The following DGKG variants were observed in gnomAD, a reference collection of about 807,000 sequenced individuals.
DGKG encodes diacylglycerol kinase gamma, also known as DAG kinase gamma.
In DGKG, 78 loss-of-function variants were observed where a neutral mutation model predicts 105.3. That is an observed-to-expected ratio of 0.74 (90% CI 0.62 to 0.89). The LOEUF is 0.89. Ranked by LOEUF, DGKG falls within the 40% of genes least tolerant of loss-of-function variation. The probability of loss-of-function intolerance (pLI) is 0.00; values close to 1 mark genes in which losing one functional copy is unlikely to be tolerated. For missense variants in DGKG, 958 were observed against 1,020.1 expected (o/e 0.94, Z 0.83); for synonymous variants, 346 against 367.1 (o/e 0.94, Z 0.66).
chr3:186,164,783 G>C (rs753341914), intron 23 of DGKG, 115 bp downstream of exon 23: 1 of 1,241,820 alleles, frequency 8.1e-7, no homozygotes, highest in African/African-American at 1.5e-5. Context: ...ACATTATCAA[G>C]CTTTTGTGCT....
chr3:186,261,810 T>C, intron 14 of DGKG, 32 bp from the exon 15 acceptor site: 1 of 1,431,510 alleles, frequency 7.0e-7, no homozygotes, highest in Non-Finnish European at 9.6e-7. Context: ...AAATTAGCTC[T>C]GCTTCATCCA....
chr3:186,161,697 C>T (rs747943570), intron 23 of DGKG, 34 bp from the exon 24 acceptor site: 1 of 1,613,904 alleles, frequency 6.2e-7, no homozygotes, highest in Non-Finnish European at 8.5e-7. Flanking sequence ...ACACAGTGAG[C>T]TTTTTCAAGT....
In DGKG at chr3:186,210,766, G is replaced by A. The variant is rs975896114; in HGVS notation, c.1917+1029C>T. Reference sequence around the variant, plus strand: ...AGGCCAAGCTGGTGGGCCAAGAGGAGCCCACCCTGGCTGAACTCTCTGGCT... The same window carrying A: ...AGGCCAAGCTGGTGGGCCAAGAGGAACCCACCCTGGCTGAACTCTCTGGCT... On this transcript the variant is annotated intron_variant, in intron 21 of 24. Coordinates refer to ENST00000265022, the MANE Select transcript of DGKG (RefSeq NM_001346.3). This position sits in a 1 kb window ranked among gnomAD's most constrained non-coding sequence, Gnocchi z 5.2. 9.0e-6 allele frequency: 3 copies of A among 334,528 alleles called. No individual in the cohort carries two copies. Among genetic ancestry groups the A allele is most frequent in the African/African-American group, 6.8e-5 (3 of 44,194 alleles). 20.7% of individuals were successfully genotyped at this position (334,528 alleles called of 1,614,324 possible).
chr3:186,277,052 C>T, intron 9 of DGKG, among the ~76,000 whole-genome samples: 1 of 152,196 alleles, frequency 6.6e-6, no homozygotes, highest in Non-Finnish European at 1.5e-5. Context: ...TCTTCCAGGA[C>T]ATGAGTTTTA....
intron 20 of DGKG, among the ~76,000 whole-genome samples, chr3:186,234,515 G>A (rs982695224): frequency 2.0e-5 from 3 of 152,200 alleles, no homozygotes; most frequent in African/African-American, 7.2e-5. Flanking sequence ...TGATAACTTT[G>A]GGATTATCTG....
chr3:186,163,108 C>T (rs1423256126), intron 23 of DGKG, among the ~76,000 whole-genome samples: 2 of 152,110 alleles, frequency 1.3e-5, no homozygotes, highest in Non-Finnish European at 2.9e-5. Context: ...TGGGCTCAAG[C>T]GATCCTCCTA....
At chr3:186,355,544 T>TCAC (rs1267286893) in intron 1 of DGKG, among the ~76,000 whole-genome samples, 1 of 144,770 alleles carries the variant, frequency 6.9e-6, no homozygotes, top group Non-Finnish European at 1.5e-5. Context: ...ATCACCACTA[T>TCAC]CACCACCACC....
At chr3:186,281,852 A>G (rs1351042308) in intron 7 of DGKG, among the ~76,000 whole-genome samples, 1 of 152,186 alleles carries the variant, frequency 6.6e-6, no homozygotes, top group Non-Finnish European at 1.5e-5. Flanking sequence ...TGGCAGATTT[A>G]AAAAAGAAAA....
At chr3:186,296,171 T>C (rs1314817537) in intron 5 of DGKG, among the ~76,000 whole-genome samples, 1 of 151,090 alleles carries the variant, frequency 6.6e-6, no homozygotes, top group Admixed American at 6.6e-5. Context: ...GAATAATAAA[T>C]GCTAATATTT....
rs2108480335 is a variant in DGKG, at chr3:186,165,030, G to A, written c.2096-12C>T. ...CTGGTCACTGAGGTCTGCAGAGCGA[G>A]ACAGCAAAAGTAGTGCATACACATC... is the stretch of plus-strand genomic sequence containing the variant. On this transcript the variant is annotated splice_polypyrimidine_tract_variant and intron_variant, in intron 22 of 24. Transcript: ENST00000265022. 2 of 1,609,766 alleles carry A rather than the reference G, an allele frequency of 1.2e-6. No individual in the cohort carries two copies. The highest frequency in any genetic ancestry group is 3.3e-4 in the Middle Eastern group (2 of 6,044).
At chr3:186,187,033 G>A (rs367552623) in intron 22 of DGKG, among the ~76,000 whole-genome samples, 2 of 152,252 alleles carry the variant, frequency 1.3e-5, no homozygotes, top group African/African-American at 4.8e-5. Flanking sequence ...CAGAGTGAGC[G>A]ATGGAGAGAG....
chr3:186,319,842 A>C (rs1724997797), intron 2 of DGKG, among the ~76,000 whole-genome samples: 1 of 152,234 alleles, frequency 6.6e-6, no homozygotes, highest in Non-Finnish European at 1.5e-5. Flanking sequence ...TAAAAGCCCA[A>C]GCCTTCCCAA....
intron 21 of DGKG, among the ~76,000 whole-genome samples, chr3:186,204,891 T>C (rs1718647128): frequency 6.6e-6 from 1 of 152,202 alleles, no homozygotes. Flanking sequence ...CAGCAGTGTC[T>C]GAGAGTTCCC....
intron 4 of DGKG, among the ~76,000 whole-genome samples, chr3:186,297,747 G>C (rs1225506460): frequency 2.0e-5 from 3 of 152,160 alleles, no homozygotes; most frequent in Non-Finnish European, 4.4e-5. Context: ...AGCTGAATGT[G>C]CTCCATCCGT....
chr3:186,221,898 G>A (rs556082235), intron 20 of DGKG, among the ~76,000 whole-genome samples: 81 of 152,364 alleles, frequency 5.3e-4, no homozygotes, highest in African/African-American at 1.8e-3. Flanking sequence ...AGCCAGCTGA[G>A]CTCTGCCGGC....
chr3:186,266,666 T>C (rs1722069681), intron 13 of DGKG, among the ~76,000 whole-genome samples: 1 of 152,138 alleles, frequency 6.6e-6, no homozygotes, highest in African/African-American at 2.4e-5. Flanking sequence ...GGTGTGATCT[T>C]GGCTCACTGC....
chr3:186,234,975 A>G (rs1282780936), intron 20 of DGKG, among the ~76,000 whole-genome samples: 3 of 146,202 alleles, frequency 2.1e-5, no homozygotes, highest in Admixed American at 2.0e-4. Flanking sequence ...GTTAACTATA[A>G]ACAATCCAAC....
intron 20 of DGKG, among the ~76,000 whole-genome samples, chr3:186,239,358 G>C (rs1558910): frequency 6.6e-6 from 1 of 152,068 alleles, no homozygotes; most frequent in Non-Finnish European, 1.5e-5. Flanking sequence ...GAGTAAAATA[G>C]GCCTTGTTTG....
rs79195584 is a variant in DGKG at position 186,176,704 on chromosome 3, G to A, written c.2095+11498C>T. On this transcript the variant is annotated intron_variant, in intron 22 of 24. Coordinates refer to ENST00000265022, the MANE Select transcript of DGKG (RefSeq NM_001346.3). ...TTTTCTAATCTATAAAATATTCCTC[G>A]GGGGTGCTGTAGAGGATTAAAATGA... Among the ~76,000 whole-genome samples the A allele has an allele frequency of 3.0e-4, 46 of 152,296 alleles. No individual in the cohort carries two copies. In the East Asian group the frequency reaches 6.6e-3, roughly 22 times the overall value.
Sources: allele counts gnomAD v4.1 joint callset (sites outside exome capture counted in the v4.1 genomes callset), GRCh38; gene constraint gnomAD v4.1.1; non-coding constraint Gnocchi (gnomAD v3.1); transcripts MANE v1.5; gene names NCBI Gene and HGNC (gene_info 2026-07-23, HGNC 2026-07-21).